Variants in TCEA2 observed in about 807,000 individuals in gnomAD.
TCEA2 encodes transcription elongation factor A2, also known as transcription elongation factor A protein 2.
TCEA2 carries 21 observed loss-of-function variants against 40.8 expected under a neutral mutation model. The ratio of observed to expected loss-of-function variants is 0.51; its 90% CI spans 0.36 to 0.74. The LOEUF (loss-of-function observed/expected upper bound fraction) is 0.74. Among genes scored for constraint, TCEA2 ranks in the 30% least tolerant of loss-of-function variants. TCEA2 has a pLI of 0.00. For missense variants in TCEA2, 326 were observed against 426.5 expected (o/e 0.76, Z 2.08); for synonymous variants, 165 against 162.7 (o/e 1.01, Z -0.11).
chr20:64,070,759 G>A, intron 8 of TCEA2, 124 bp downstream of exon 8: 1 of 1,350,110 alleles, frequency 7.4e-7, no homozygotes, highest in Non-Finnish European at 9.9e-7. Flanking sequence ...CAGTCCCTGA[G>A]TAGGCTAAGG....
Position 64,070,174 on chromosome 20 carries a change from C to T in TCEA2, c.518-86C>T, listed in dbSNP as rs1006681021. On this transcript the variant is annotated intron_variant, in intron 6 of 9. Transcript: ENST00000343484. ...GTGGCTGGGCAGAACCTTTCCAGCC[C>T]CCACCCCAACATGGCCCCCAGCGGG... 99 of 1,571,048 alleles carry T rather than the reference C, an allele frequency of 6.3e-5. No individual in the cohort carries two copies. The Admixed American group carries it at 1.7e-3, about 27-fold the overall frequency.
chr20:64,070,137 A>T (rs1232617084), intron 6 of TCEA2, 123 bp from the exon 7 acceptor site: 7 of 1,444,254 alleles, frequency 4.8e-6, no homozygotes, highest in African/African-American at 1.4e-5. Flanking sequence ...GGGTGGGCAG[A>T]CCGACCCCTG....
Position 64,072,279 on chromosome 20 carries a change from C to A in TCEA2, c.*99C>A. ...ACCCTAGAAGGCGGCATGTCCTGCC[C>A]TCAACCTGCCTGCCTGGATTGCACC... On this transcript the variant is annotated 3_prime_UTR_variant, in exon 10 of 10. Transcript: ENST00000343484. The A allele has an allele frequency of 7.6e-7, 1 of 1,310,058 alleles. No individual in the cohort carries two copies. Among genetic ancestry groups the A allele is most frequent in the Non-Finnish European group, 1.1e-6 (1 of 933,312 alleles). 81.2% of individuals were successfully genotyped at this position (1,310,058 alleles called of 1,614,324 possible). A position where few individuals can be genotyped will look rare whatever the true frequency, so the allele number is the denominator to read the frequency against.
chr20:64,070,223 G>A (rs750926509), intron 6 of TCEA2, 37 bp from the exon 7 acceptor site: 20 of 1,608,274 alleles, frequency 1.2e-5, no homozygotes, highest in Admixed American at 5.0e-5. Flanking sequence ...GGAGGGCAGC[G>A]ACGTTGTCCT....
In TCEA2 at chr20:64,072,333, T is replaced by C; in HGVS notation, c.*153T>C. On this transcript the variant is annotated 3_prime_UTR_variant, in exon 10 of 10. Transcript: ENST00000343484. ...CTGCCCTTTCCCCCTCATTATTAAA[T>C]GTTTCTTTTTGCCATCTTGTTCTCC... The C allele has an allele frequency of 1.2e-6, 1 of 855,860 alleles. No homozygotes were observed. The highest frequency in any genetic ancestry group is 1.8e-6 in the Non-Finnish European group (1 of 551,308). The allele number at this position is 855,860 out of a possible 1,614,324, so 53.0% of individuals were successfully genotyped here.
At chr20:64,061,416 C>T (rs1569243205), upstream of TCEA2, among the ~76,000 whole-genome samples, 1 of 152,216 alleles carries the variant, frequency 6.6e-6, no homozygotes, top group Non-Finnish European at 1.5e-5. Flanking sequence ...GCTGGGACTA[C>T]AGGCGTCCGC....
At position 64,072,313 on chromosome 20, in the gene TCEA2, C is replaced by T; in HGVS notation, c.*133C>T. The T allele has an allele frequency of 1.1e-6, 1 of 952,248 alleles. No homozygotes were observed. 59.0% of individuals were successfully genotyped at this position (952,248 alleles called of 1,614,324 possible). On this transcript the variant is annotated 3_prime_UTR_variant, in exon 10 of 10. Transcript: ENST00000343484. The stretch of plus-strand genomic sequence containing the variant: ...CCTGCCTGGATTGCACCTTTCTGCC[C>T]TTTCCCCCTCATTATTAAATGTTTC...
At position 64,066,816 on chromosome 20, in the gene TCEA2, C is replaced by T. The variant is rs531147417; in HGVS notation, c.136-99C>T. 163 of 1,231,806 alleles carry T rather than the reference C, an allele frequency of 1.3e-4. 1 individual carries two copies. The East Asian group carries it at 2.6e-3, about 20-fold the overall frequency. The allele number at this position is 1,231,806 out of a possible 1,614,324, so 76.3% of individuals were successfully genotyped here. A position where few individuals can be genotyped will look rare whatever the true frequency, so the allele number is the denominator to read the frequency against. On this transcript the variant is annotated intron_variant, in intron 2 of 9. Coordinates refer to ENST00000343484, the MANE Select transcript of TCEA2 (RefSeq NM_003195.6). ...AGGCCTCTACCTCCCTGGGAGGTCCCGGGCTCCTGTCCTGTGGGGGCCACC... is the reference window on the plus strand; with the variant it reads ...AGGCCTCTACCTCCCTGGGAGGTCCTGGGCTCCTGTCCTGTGGGGGCCACC...
At position 64,066,820 on chromosome 20, in the gene TCEA2, C is replaced by T. The variant is rs940022888; in HGVS notation, c.136-95C>T. On this transcript the variant is annotated intron_variant, in intron 2 of 9. Coordinates refer to ENST00000343484, the MANE Select transcript of TCEA2 (RefSeq NM_003195.6). ...CTCTACCTCCCTGGGAGGTCCCGGG[C>T]TCCTGTCCTGTGGGGGCCACCAAGG... The T allele has an allele frequency of 4.7e-5, 60 of 1,277,076 alleles. No homozygotes were observed. The Admixed American group carries it at 1.0e-3, about 21-fold the overall frequency. The allele number at this position is 1,277,076 out of a possible 1,614,324, so 79.1% of individuals were successfully genotyped here.
At chr20:64,069,994 A>C in intron 6 of TCEA2, 173 bp downstream of exon 6, 1 of 926,256 alleles carries the variant, frequency 1.1e-6, no homozygotes, top group Non-Finnish European at 1.7e-6. Flanking sequence ...GGGCCCCCGG[A>C]CCAGCTGAAG....
At chr20:64,069,995 C>G in intron 6 of TCEA2, 174 bp downstream of exon 6, 1 of 918,630 alleles carries the variant, frequency 1.1e-6, no homozygotes, top group South Asian at 1.4e-5. Flanking sequence ...GGCCCCCGGA[C>G]CAGCTGAAGG....
chr20:64,057,932 G>A (rs1256664375), intron 1 of TCEA2, among the ~76,000 whole-genome samples: 6 of 152,138 alleles, frequency 3.9e-5, no homozygotes, highest in South Asian at 2.1e-4. Context: ...CCACCCGTCC[G>A]TGGCTCACTC....
chr20:64,070,238 TG>T (rs1386381671), intron 6 of TCEA2, 21 bp from the exon 7 acceptor site: 9 of 1,612,858 alleles, frequency 5.6e-6, no homozygotes, highest in Middle Eastern at 1.6e-4. Flanking sequence ...TGTCCTCAGG[TG>T]GGTCCTTAAA....
intron 4 of TCEA2, among the ~76,000 whole-genome samples, chr20:64,068,415 T>C (rs1373511756): frequency 6.6e-6 from 1 of 152,362 alleles, no homozygotes; most frequent in East Asian, 1.9e-4. Flanking sequence ...CCCTGGCCTC[T>C]TCCCCCAAGG....
intron 8 of TCEA2, among the ~76,000 whole-genome samples, chr20:64,071,115 C>T (rs555985321): frequency 6.6e-6 from 1 of 152,064 alleles, no homozygotes; most frequent in South Asian, 2.1e-4. Flanking sequence ...TTTGGGAGGC[C>T]GAGGCAGGCG....
chr20:64,057,097 T>A (rs2059481700), upstream of TCEA2: 1 of 151,706 alleles, frequency 6.6e-6, no homozygotes, highest in African/African-American at 2.4e-5. Flanking sequence ...GGCCGCTGGG[T>A]CCGTGAAGGG....
intron 2 of TCEA2, 139 bp downstream of exon 2, chr20:64,066,677 G>A: frequency 3.0e-6 from 3 of 1,014,370 alleles, no homozygotes; most frequent in Non-Finnish European, 4.4e-6. Flanking sequence ...CTGAGGAGAG[G>A]GTCTCTGCCT....
At chr20:64,055,875 G>C (rs577105460), upstream of TCEA2, among the ~76,000 whole-genome samples, 2 of 152,188 alleles carry the variant, frequency 1.3e-5, no homozygotes, top group East Asian at 3.9e-4. This position sits in a 1 kb window ranked among gnomAD's most constrained non-coding sequence, Gnocchi z 4.0. Context: ...GGGAGGCCTG[G>C]GCCCCTGGGA....
upstream of TCEA2, among the ~76,000 whole-genome samples, chr20:64,060,672 A>C (rs1471363848): frequency 6.6e-6 from 1 of 152,242 alleles, no homozygotes; most frequent in Non-Finnish European, 1.5e-5. Context: ...TGTGAGGGGC[A>C]GAATCAGTCA....
Sources: allele counts gnomAD v4.1 joint callset (sites outside exome capture counted in the v4.1 genomes callset), GRCh38; gene constraint gnomAD v4.1.1; non-coding constraint Gnocchi (gnomAD v3.1); transcripts MANE v1.5; gene names NCBI Gene and HGNC (gene_info 2026-07-23, HGNC 2026-07-21).